Variants in PIK3R4 observed in about 807,000 individuals in gnomAD.
PIK3R4 encodes the protein phosphoinositide 3-kinase regulatory subunit 4.
Under a neutral mutation model 136.5 loss-of-function variants are expected in PIK3R4, and 46 were observed. The observed-to-expected ratio is 0.34, with a 90% CI of 0.27 to 0.43. The LOEUF is 0.43. PIK3R4 is among the 20% of genes least tolerant of loss of function. The probability of loss-of-function intolerance (pLI) is 1.00; values close to 1 mark genes in which losing one functional copy is unlikely to be tolerated. For missense variants in PIK3R4, 1,331 were observed against 1,649.5 expected (o/e 0.81, Z 3.35); for synonymous variants, 557 against 566.7 (o/e 0.98, Z 0.24).
At chr3:130,694,240 T>C (rs2066534631) in intron 13 of PIK3R4, among the ~76,000 whole-genome samples, 1 of 151,992 alleles carries the variant, frequency 6.6e-6, no homozygotes, top group Non-Finnish European at 1.5e-5. Context: ...TTTCTTTCAA[T>C]ATTGTTTTGG....
intron 13 of PIK3R4, among the ~76,000 whole-genome samples, chr3:130,699,489 C>T (rs2066564576): frequency 6.6e-6 from 1 of 152,108 alleles, no homozygotes; most frequent in African/African-American, 2.4e-5. Flanking sequence ...TTCCAGACTA[C>T]CACAGAGCTG....
intron 3 of PIK3R4, 68 bp from the exon 4 acceptor site, chr3:130,734,198 C>T: frequency 7.8e-7 from 1 of 1,279,552 alleles, no homozygotes. Context: ...ATGAAAGCTA[C>T]AAAGGCAATT....
intron 6 of PIK3R4, chr3:130,723,865 T>C (rs2066717263): frequency 1.1e-5 from 3 of 263,984 alleles, no homozygotes; most frequent in African/African-American, 4.4e-5. Flanking sequence ...TGTAATTATA[T>C]AATCTTCAGC....
Position 130,744,802 on chromosome 3 carries a change from T to C in PIK3R4, c.417A>G (p.Ala139=). The C allele has an allele frequency of 6.2e-7, 1 of 1,614,270 alleles. No individual in the cohort carries two copies. The highest frequency in any genetic ancestry group is 1.1e-5 in the South Asian group (1 of 91,092). ...AFQILTAVDQ[A]HKSGVRHGDI... is the part of the protein sequence containing the mutation. ...CCCCATGACGAACTCCAGATTTGTGTGCTTGGTCCACAGCTGTCAGGATCT... is the reference window on the plus strand; with the variant it reads ...CCCCATGACGAACTCCAGATTTGTGCGCTTGGTCCACAGCTGTCAGGATCT... The change falls in exon 2 of 20, where the codon GCA becomes GCG. Residue 139 remains alanine, a synonymous_variant. Transcript: ENST00000356763.
At chr3:130,697,274 T>C (rs553285156) in intron 13 of PIK3R4, among the ~76,000 whole-genome samples, 22 of 152,192 alleles carry the variant, frequency 1.4e-4, no homozygotes, top group Non-Finnish European at 2.5e-4. Flanking sequence ...GGTTTTGCCA[T>C]GTTGGCCAGG....
rs953504142 is a variant in PIK3R4 at position 130,679,282 on chromosome 3, A to G, written c.*33T>C. 5.9e-6 allele frequency: 8 copies of G among 1,357,200 alleles called. No homozygotes were observed. The South Asian group carries it at 7.1e-5, about 12-fold the overall frequency. The allele number at this position is 1,357,200 out of a possible 1,614,324, so 84.1% of individuals were successfully genotyped here. ...TTTCTCGAGTTATAGTATTATATTTATAACTATTAAAATTTATACAAATCA... is the reference window on the plus strand; with the variant it reads ...TTTCTCGAGTTATAGTATTATATTTGTAACTATTAAAATTTATACAAATCA... On this transcript the variant is annotated 3_prime_UTR_variant, in exon 20 of 20. Transcript: ENST00000356763.
At chr3:130,703,955 G>C in intron 12 of PIK3R4, 67 bp from the exon 13 acceptor site, 1 of 1,026,854 alleles carries the variant, frequency 9.7e-7, no homozygotes, top group South Asian at 1.5e-5. Context: ...ATCATCCCCT[G>C]TTATAATAAC....
chr3:130,717,068 CCTTTA>C (rs2066668884), intron 8 of PIK3R4, among the ~76,000 whole-genome samples: 1 of 152,164 alleles, frequency 6.6e-6, no homozygotes, highest in Non-Finnish European at 1.5e-5. Context: ...TAAAATCTTT[CCTTTA>C]ATTATCCAAA....
At chr3:130,707,733 C>T (rs987089356) in intron 10 of PIK3R4, among the ~76,000 whole-genome samples, 1 of 152,048 alleles carries the variant, frequency 6.6e-6, no homozygotes, top group African/African-American at 2.4e-5. Context: ...AATATATGTG[C>T]AAAAAGGGTA....
At chr3:130,713,272 G>T (rs919569306) in intron 9 of PIK3R4, among the ~76,000 whole-genome samples, 5 of 152,088 alleles carry the variant, frequency 3.3e-5, no homozygotes, top group African/African-American at 1.2e-4. Flanking sequence ...TAACCTTTAG[G>T]AGTCTCCTAA....
At chr3:130,686,111 A>T in intron 15 of PIK3R4, 100 bp downstream of exon 15, 1 of 706,508 alleles carries the variant, frequency 1.4e-6, no homozygotes. Flanking sequence ...GACGGGAAAA[A>T]TTACCAATGA....
In PIK3R4 at chr3:130,734,096, C is replaced by T. The variant is rs777428344; in HGVS notation, c.902G>A (p.Arg301His). The change falls in exon 4 of 20, where the codon CGT becomes CAT. Residue 301 changes from arginine to histidine, a missense_variant. Coordinates refer to ENST00000356763, the MANE Select transcript of PIK3R4 (RefSeq NM_014602.3). ...TQMIHREPDK[R>H]LEAEDYLKQQ... ...TTTTAAGTAATCTTCTGCCTCTAAACGTTTATCTGGCTCACGGTGAATCAT... is the reference window on the plus strand; with the variant it reads ...TTTTAAGTAATCTTCTGCCTCTAAATGTTTATCTGGCTCACGGTGAATCAT... The T allele has an allele frequency of 1.2e-6, 2 of 1,613,628 alleles. No homozygotes were observed. Among genetic ancestry groups the T allele is most frequent in the Non-Finnish European group, 1.7e-6 (2 of 1,179,704 alleles).
chr3:130,681,103 C>T (rs1180474749), intron 17 of PIK3R4, 38 bp from the exon 18 acceptor site: 5 of 1,078,794 alleles, frequency 4.6e-6, no homozygotes, highest in East Asian at 2.4e-5. Flanking sequence ...TAAAAGACAT[C>T]CGTGTATTCC....
At chr3:130,689,788 C>T (rs2066506834) in intron 14 of PIK3R4, among the ~76,000 whole-genome samples, 1 of 152,218 alleles carries the variant, frequency 6.6e-6, no homozygotes, top group African/African-American at 2.4e-5. Context: ...CTGAAATTGT[C>T]TGTTCACTTG....
At chr3:130,725,541 T>C (rs778282288) in intron 6 of PIK3R4, among the ~76,000 whole-genome samples, 1 of 151,442 alleles carries the variant, frequency 6.6e-6, no homozygotes, top group Non-Finnish European at 1.5e-5. Flanking sequence ...CAACAGATTA[T>C]TAATCTAATT....
intron 13 of PIK3R4, among the ~76,000 whole-genome samples, chr3:130,700,800 C>G (rs2066570037): frequency 6.6e-6 from 1 of 152,184 alleles, no homozygotes; most frequent in South Asian, 2.1e-4. Flanking sequence ...TCCTTCTCCC[C>G]TCACCAGTCA....
chr3:130,706,900 A>G (rs1444582538), intron 11 of PIK3R4, 48 bp downstream of exon 11: 1 of 1,458,264 alleles, frequency 6.9e-7, no homozygotes, highest in African/African-American at 1.4e-5. Flanking sequence ...AAATAGCAGA[A>G]GAGCGTTCAA....
chr3:130,724,278 A>T (rs1191767493), intron 6 of PIK3R4, among the ~76,000 whole-genome samples: 2 of 152,198 alleles, frequency 1.3e-5, no homozygotes, highest in Non-Finnish European at 1.5e-5. Flanking sequence ...ATTGCTCAAG[A>T]AAATCACAGT....
intron 9 of PIK3R4, among the ~76,000 whole-genome samples, chr3:130,714,627 C>T (rs984101275): frequency 6.6e-6 from 1 of 151,296 alleles, no homozygotes; most frequent in Admixed American, 6.6e-5. Context: ...TCAACAGGCA[C>T]TGGTTTGTGT....
Sources: allele counts gnomAD v4.1 joint callset (sites outside exome capture counted in the v4.1 genomes callset), GRCh38; gene constraint gnomAD v4.1.1; transcripts MANE v1.5; gene names NCBI Gene and HGNC (gene_info 2026-07-23, HGNC 2026-07-21).